DMXL1: variants seen among roughly 807,000 people sequenced by gnomAD.
The protein encoded by DMXL1 is dmX-like protein 1.
A neutral mutation model predicts 319.2 loss-of-function variants in DMXL1; 99 were observed. That is an observed-to-expected ratio of 0.31 (90% CI 0.26 to 0.37). The LOEUF is 0.37. Ranked by LOEUF, DMXL1 falls within the 10% of genes least tolerant of loss-of-function variation. The pLI is 1.00. For missense variants in DMXL1, 3,745 were observed against 3,595.6 expected (o/e 1.04, Z -1.06); for synonymous variants, 1,385 against 1,235.2 (o/e 1.12, Z -2.54).
intron 43 of DMXL1, among the ~76,000 whole-genome samples, chr5:119,245,520 T>C (rs564526131): frequency 6.6e-6 from 1 of 151,924 alleles, no homozygotes; most frequent in African/African-American, 2.4e-5. Context: ...TAGTTTAGAA[T>C]ATGCCATAGT....
At chr5:119,128,483 T>G (rs1439916248) in intron 9 of DMXL1, 2 of 162,238 alleles carry the variant, frequency 1.2e-5, no homozygotes, top group African/African-American at 4.8e-5. Context: ...CTGGAAATCT[T>G]ATTTAGAGGT....
At chr5:119,101,817 C>A in intron 2 of DMXL1, 118 bp from the exon 3 acceptor site, 1 of 682,106 alleles carries the variant, frequency 1.5e-6, no homozygotes, top group Non-Finnish European at 2.5e-6. Context: ...TCTTAAGCAT[C>A]AGTGAATGAA....
chr5:119,183,868 A>G (rs1041427318), intron 28 of DMXL1, among the ~76,000 whole-genome samples: 1 of 152,202 alleles, frequency 6.6e-6, no homozygotes, highest in African/African-American at 2.4e-5. Flanking sequence ...CAGGAAGGCA[A>G]ATTTTTATAC....
intron 1 of DMXL1, among the ~76,000 whole-genome samples, chr5:119,086,213 C>T (rs1753326334): frequency 6.6e-6 from 1 of 152,154 alleles, no homozygotes; most frequent in South Asian, 2.1e-4. Context: ...TCTCGTGAGA[C>T]TTATTCACTA....
intron 15 of DMXL1, among the ~76,000 whole-genome samples, chr5:119,146,074 G>A (rs148806216): frequency 1.3e-4 from 19 of 151,692 alleles, no homozygotes; most frequent in Non-Finnish European, 2.2e-4. Context: ...AACATTTATG[G>A]TTACCTTTTT....
intron 34 of DMXL1, 57 bp from the exon 35 acceptor site, chr5:119,216,844 T>G: frequency 3.4e-6 from 3 of 875,686 alleles, no homozygotes; most frequent in Non-Finnish European, 1.9e-6. Flanking sequence ...TTGGCATATA[T>G]TATTAGTTCT....
In DMXL1 at chr5:119,149,589, G is replaced by T. The variant is rs141767560; in HGVS notation, c.3762G>T (p.Ser1254=). 2 of 1,613,878 alleles carry T rather than the reference G, an allele frequency of 1.2e-6. No homozygotes were observed. Among genetic ancestry groups the T allele is most frequent in the East Asian group, 4.5e-5 (2 of 44,876 alleles). The change falls in exon 18 of 44, where the codon TCG becomes TCT. Residue 1254 remains serine, a synonymous_variant. Transcript: ENST00000539542. ...SSKQEPVITD[S]YSGSTPSITS... The stretch of plus-strand genomic sequence containing the variant: ...AACAAGAACCTGTTATAACAGATTC[G>T]TACAGTGGGAGCACTCCATCTATAA...
intron 37 of DMXL1, among the ~76,000 whole-genome samples, chr5:119,224,261 TTTACTC>T (rs1323000167): frequency 1.3e-5 from 2 of 152,164 alleles, no homozygotes; most frequent in Non-Finnish European, 2.9e-5. Flanking sequence ...ATGTGTTTGT[TTTACTC>T]TTATTTGACA....
chr5:119,111,201 A>G (rs1022927024), intron 5 of DMXL1, among the ~76,000 whole-genome samples: 1 of 122,274 alleles, frequency 8.2e-6, no homozygotes, highest in African/African-American at 2.5e-5. Flanking sequence ...AAATTTCTAT[A>G]AAATGAAACA....
chr5:119,139,815 A>AAT (rs1766886872), intron 13 of DMXL1, among the ~76,000 whole-genome samples: 1 of 152,126 alleles, frequency 6.6e-6, no homozygotes, highest in Admixed American at 6.6e-5. Flanking sequence ...AAAACAACAG[A>AAT]ATATATATTC....
At chr5:119,240,553 G>C in intron 42 of DMXL1, 82 bp downstream of exon 42, 1 of 1,010,938 alleles carries the variant, frequency 9.9e-7, no homozygotes, top group Admixed American at 2.1e-5. Context: ...ATTTGTTACT[G>C]ATGACACATA....
chr5:119,072,876 G>A (rs1749945987), intron 1 of DMXL1, among the ~76,000 whole-genome samples: 1 of 152,080 alleles, frequency 6.6e-6, no homozygotes, highest in South Asian at 2.1e-4. Flanking sequence ...AGCTCTGAGG[G>A]TCCCAGTGAG....
chr5:119,093,498 T>C (rs1438603558), intron 1 of DMXL1, among the ~76,000 whole-genome samples: 1 of 152,160 alleles, frequency 6.6e-6, no homozygotes, highest in East Asian at 1.9e-4. Context: ...ATTGTAATGG[T>C]TGTGGAATGC....
At chr5:119,241,534 CAAA>C (rs35739845) in intron 42 of DMXL1, among the ~76,000 whole-genome samples, 3 of 57,554 alleles carry the variant, frequency 5.2e-5, no homozygotes, top group Admixed American at 1.9e-4. Flanking sequence ...GACTCCGTCT[CAAA>C]AAAAAAAAAA....
chr5:119,233,813 A>G (rs1440442420), intron 39 of DMXL1, among the ~76,000 whole-genome samples: 1 of 152,150 alleles, frequency 6.6e-6, no homozygotes, highest in Admixed American at 6.6e-5. Context: ...AGCTTATTAT[A>G]AATGCATATT....
At chr5:119,237,789 CAA>C (rs1223513825) in intron 40 of DMXL1, among the ~76,000 whole-genome samples, 1 of 151,952 alleles carries the variant, frequency 6.6e-6, no homozygotes, top group African/African-American at 2.4e-5. Flanking sequence ...TATGAACAAA[CAA>C]AGTGAAAAGG....
chr5:119,166,157 C>T (rs1246842398), intron 21 of DMXL1, among the ~76,000 whole-genome samples: 1 of 152,170 alleles, frequency 6.6e-6, no homozygotes, highest in African/African-American at 2.4e-5. Flanking sequence ...AGATGACCCA[C>T]ATGAACAGCG....
At chr5:119,126,045 C>T (rs572550893) in intron 9 of DMXL1, among the ~76,000 whole-genome samples, 6 of 152,228 alleles carry the variant, frequency 3.9e-5, no homozygotes, top group South Asian at 2.1e-4. Flanking sequence ...AATCCCAGCA[C>T]TTTGGGAGGC....
At position 119,216,795 on chromosome 5, in the gene DMXL1, A is replaced by G. The variant is rs920822386; in HGVS notation, c.7927-106A>G. Reference sequence around the variant, plus strand: ...TAATACCTTTAGAATTGAAATATCTACTTTCTTAAAATAATTTATGCAAGT... The same window carrying G: ...TAATACCTTTAGAATTGAAATATCTGCTTTCTTAAAATAATTTATGCAAGT... On this transcript the variant is annotated intron_variant, in intron 34 of 43. Transcript: ENST00000539542. 16 of 679,412 alleles carry G rather than the reference A, an allele frequency of 2.4e-5. No homozygotes were observed. In the African/African-American group the frequency reaches 3.0e-4, roughly 13 times the overall value. The allele number at this position is 679,412 out of a possible 1,614,324, so 42.1% of individuals were successfully genotyped here.
Sources: allele counts gnomAD v4.1 joint callset (sites outside exome capture counted in the v4.1 genomes callset), GRCh38; gene constraint gnomAD v4.1.1; transcripts MANE v1.5; gene names NCBI Gene and HGNC (gene_info 2026-07-23, HGNC 2026-07-21).